Variants in PDZD7 observed in about 807,000 individuals in gnomAD.
PDZD7 encodes the protein PDZ domain containing 7, also known as PDZ domain-containing protein 7.
PDZD7 carries 72 observed loss-of-function variants against 84.7 expected under a neutral mutation model. The observed-to-expected ratio is 0.85, with a 90% CI of 0.70 to 1.03. The LOEUF (loss-of-function observed/expected upper bound fraction) is 1.03, where lower values mean the gene tolerates loss of function less well. Ranked by LOEUF, PDZD7 falls within the 50% of genes least tolerant of loss-of-function variation. The probability of loss-of-function intolerance (pLI) is 0.00; values close to 1 mark genes in which losing one functional copy is unlikely to be tolerated. For missense variants in PDZD7, 1,490 were observed against 1,412.9 expected, an observed-to-expected ratio of 1.05 and a Z score of -0.87; for synonymous variants, 594 against 580.7, an observed-to-expected ratio of 1.02 and a Z score of -0.33.
intron 15 of PDZD7, among the ~76,000 whole-genome samples, chr10:101,009,682 A>G (rs1277171455): frequency 7.9e-6 from 1 of 125,952 alleles, no homozygotes; most frequent in Non-Finnish European, 1.6e-5. Flanking sequence ...ATCTCGGCTC[A>G]CCGCAACCTC....
intron 14 of PDZD7, 86 bp downstream of exon 14, chr10:101,011,604 G>C: frequency 6.6e-7 from 1 of 1,510,010 alleles, no homozygotes; most frequent in Non-Finnish European, 8.9e-7. Context: ...ACTGCCCCTA[G>C]TGGGGAAAGA....
intron 6 of PDZD7, among the ~76,000 whole-genome samples, chr10:101,021,077 C>T (rs1590064473): frequency 1.3e-5 from 2 of 151,494 alleles, no homozygotes; most frequent in Admixed American, 1.3e-4. Context: ...AGTGGGTGCT[C>T]AAAAATATTG....
chr10:101,008,823 C>A lies in PDZD7; in HGVS notation c.2746G>T (p.Gly916Ter). ...TGGGTCACCTGCTCTAGATTCTCTC[C>A]GTCCACTGCCACAAGCTCGAAGCCA... ...QAGFELVAVD[G>*]ENLEQVTHQR... is the part of the protein sequence containing the mutation. Residue 916 changes from glycine to a stop codon, truncating the protein, a stop_gained, in exon 17 of 17, where the codon GGA (glycine) becomes TGA (stop). Coordinates refer to ENST00000619208, the MANE Select transcript of PDZD7 (RefSeq NM_001195263.2). LOFTEE classifies it low-confidence loss of function (END_TRUNC). The A allele has an allele frequency of 6.6e-7, 1 of 1,512,118 alleles. No homozygotes were observed. Among genetic ancestry groups the A allele is most frequent in the South Asian group, 1.2e-5 (1 of 81,690 alleles). The allele number at this position is 1,512,118 out of a possible 1,614,324, so 93.7% of individuals were successfully genotyped here. A position where few individuals can be genotyped will look rare whatever the true frequency, so the allele number is the denominator to read the frequency against.
At position 101,008,474 on chromosome 10, in the gene PDZD7, A is replaced by T; in HGVS notation, c.3095T>A (p.Ile1032Asn). The T allele has an allele frequency of 1.3e-6, 2 of 1,501,956 alleles. No individual in the cohort carries two copies. The highest frequency in any genetic ancestry group is 1.8e-6 in the Non-Finnish European group (2 of 1,129,064). The allele number at this position is 1,501,956 out of a possible 1,614,324, so 93.0% of individuals were successfully genotyped here. The change falls in exon 17 of 17, where the codon ATC (isoleucine) becomes AAC (asparagine). Residue 1032 changes from isoleucine (I) to asparagine (N), a missense_variant. Transcript: ENST00000619208. ...CTGAGGTTAGGGGGAGGGTCATGGGATGCGTGGGGAGGGTGCGGGCTTAGA... is the reference window on the plus strand; with the variant it reads ...CTGAGGTTAGGGGGAGGGTCATGGGTTGCGTGGGGAGGGTGCGGGCTTAGA... ...PDSKPAPSPR[I>N]P is the part of the protein sequence containing the mutation.
chr10:101,017,713 G>A (rs1852702113), intron 9 of PDZD7: 1 of 660,884 alleles, frequency 1.5e-6, no homozygotes, highest in Non-Finnish European at 2.8e-6. Flanking sequence ...TTGAGCGTGG[G>A]AGGCGCAGGT....
In PDZD7 at chr10:101,008,291, C is replaced by T. The variant is rs1456485533; in HGVS notation, c.*176G>A. ...AGCACCTTGTCCTTGGACACTAAGG[C>T]AGAGCCTTAATGACAGCTGAGGAGG... On this transcript the variant is annotated 3_prime_UTR_variant, in exon 17 of 17. Coordinates refer to ENST00000619208, the MANE Select transcript of PDZD7 (RefSeq NM_001195263.2). 161 of 720,882 alleles carry T rather than the reference C, an allele frequency of 2.2e-4. 2 individuals are homozygous for T. In the East Asian group the frequency reaches 4.3e-3, roughly 19 times the overall value. 44.7% of individuals were successfully genotyped at this position (720,882 alleles called of 1,614,324 possible). A position where few individuals can be genotyped will look rare whatever the true frequency, so the allele number is the denominator to read the frequency against.
chr10:101,029,222 T>C (rs999426380), intron 2 of PDZD7, among the ~76,000 whole-genome samples: 4 of 152,184 alleles, frequency 2.6e-5, no homozygotes, highest in African/African-American at 7.2e-5. Flanking sequence ...CCACCTACCA[T>C]GCTCCATGCT....
Position 101,009,293 on chromosome 10 carries a change from TTCTC to T in PDZD7, c.2671_2674del (p.Glu891ArgfsTer28). The stretch of plus-strand genomic sequence containing the variant: ...GAAAGCGGCCCCCCCAGGGAAGATC[TTCTC>T]TATCTTCACCATGGGCTGCACCTTG... On this transcript the variant is annotated frameshift_variant, in exon 16 of 17. Coordinates refer to ENST00000619208, the MANE Select transcript of PDZD7 (RefSeq NM_001195263.2). LOFTEE classifies it low-confidence loss of function (END_TRUNC). The T allele has an allele frequency of 6.5e-7, 1 of 1,535,882 alleles. No homozygotes were observed. The highest frequency in any genetic ancestry group is 8.7e-7 in the Non-Finnish European group (1 of 1,146,718).
chr10:101,015,917 C>T (rs1255712756), intron 10 of PDZD7, 106 bp from the exon 11 acceptor site: 30 of 1,276,810 alleles, frequency 2.3e-5, no homozygotes, highest in Non-Finnish European at 3.0e-5. Flanking sequence ...AGAATCCTAG[C>T]CTAGCCTATA....
intron 11 of PDZD7, among the ~76,000 whole-genome samples, 171 bp downstream of exon 11, chr10:101,015,463 GAT>G (rs1852573964): frequency 7.5e-6 from 1 of 133,638 alleles, no homozygotes; most frequent in South Asian, 3.0e-4. Flanking sequence ...TGAGCTGGCA[GAT>G]GTGTGTGTGT....
At chr10:101,030,421 A>G (rs1841182101) in intron 1 of PDZD7, 37 bp from the exon 2 acceptor site, 3 of 684,112 alleles carry the variant, frequency 4.4e-6, no homozygotes, top group Non-Finnish European at 8.0e-6. Flanking sequence ...AGGGGTGTAA[A>G]TGTTTCCCCT....
Position 101,007,817 on chromosome 10 carries a change from A to T in PDZD7, c.*650T>A, listed in dbSNP as rs186627358. On this transcript the variant is annotated 3_prime_UTR_variant, in exon 17 of 17. Coordinates refer to ENST00000619208, the MANE Select transcript of PDZD7 (RefSeq NM_001195263.2). Reference sequence around the variant, plus strand: ...AAACCCAAAGAAAAAATTAAAAAAAATTTTTTTGTTTAAAAATAATGTGAA... The same window carrying T: ...AAACCCAAAGAAAAAATTAAAAAAATTTTTTTTGTTTAAAAATAATGTGAA... 2.0e-3 allele frequency: 586 copies of T among 287,228 alleles called. 5 individuals carry two copies. In the East Asian group the frequency reaches 0.044, roughly 21 times the overall value. 17.8% of individuals were successfully genotyped at this position (287,228 alleles called of 1,614,324 possible). A position where few individuals can be genotyped will look rare whatever the true frequency, so the allele number is the denominator to read the frequency against.
At chr10:101,009,076 G>T (rs1852308569) in intron 16 of PDZD7, among the ~76,000 whole-genome samples, 174 bp downstream of exon 16, 1 of 152,056 alleles carries the variant, frequency 6.6e-6, no homozygotes, top group South Asian at 2.1e-4. Context: ...TAGCATGAGG[G>T]GACAGAGTTT....
Position 101,022,122 on chromosome 10 carries a change from G to C in PDZD7, c.719+87C>G, listed in dbSNP as rs111290840. On this transcript the variant is annotated intron_variant, in intron 5 of 16. Coordinates refer to ENST00000619208, the MANE Select transcript of PDZD7 (RefSeq NM_001195263.2). Reference sequence around the variant, plus strand: ...ACAGGTGGTTGGCCAGGCCTCACTTGCTGACCATCCCCACATCCCAGCCTA... The same window carrying C: ...ACAGGTGGTTGGCCAGGCCTCACTTCCTGACCATCCCCACATCCCAGCCTA... 65 of 1,571,578 alleles carry C rather than the reference G, an allele frequency of 4.1e-5. No homozygotes were observed. The African/African-American group carries it at 6.0e-4, about 14-fold the overall frequency.
At chr10:101,011,543 TG>T (rs1852392760) in intron 14 of PDZD7, 146 bp downstream of exon 14, 2 of 1,444,914 alleles carry the variant, frequency 1.4e-6, no homozygotes, top group African/African-American at 2.8e-5. Context: ...AAAATGGCTC[TG>T]GTGGACAAGA....
In PDZD7 at chr10:101,018,282, GCTGCTGCTTCTCCT is replaced by G; in HGVS notation, c.1325_1338del (p.Glu442AlafsTer79). 1.1e-5 allele frequency: 17 copies of G among 1,613,764 alleles called. No individual in the cohort carries two copies. The highest frequency in any genetic ancestry group is 1.4e-5 in the Non-Finnish European group (17 of 1,180,040). The stretch of plus-strand genomic sequence containing the variant: ...GGGGACCCCGACTTCTCCTTCTTCC[GCTGCTGCTTCTCCT>G]CTGCAGACACGAGGGAGCAACGGGG... On this transcript the variant is annotated frameshift_variant and splice_region_variant, in exon 9 of 17. Transcript: ENST00000619208. LOFTEE classifies it high-confidence loss of function.
At chr10:101,020,455 C>G (rs944506080) in intron 7 of PDZD7, among the ~76,000 whole-genome samples, 163 bp downstream of exon 7, 26 of 152,174 alleles carry the variant, frequency 1.7e-4, no homozygotes, top group African/African-American at 5.5e-4. Flanking sequence ...CAAGACTGGT[C>G]TTGAACTCCT....
In PDZD7 at chr10:101,010,706, A is replaced by AG. The variant is rs1162586274; in HGVS notation, c.2182dup (p.Leu728ProfsTer22). 161 of 1,141,444 alleles carry AG rather than the reference A, an allele frequency of 1.4e-4. No individual in the cohort carries two copies. Among genetic ancestry groups the AG allele is most frequent in the Non-Finnish European group, 4.8e-5 (43 of 889,434 alleles). The allele number at this position is 1,141,444 out of a possible 1,614,324, so 70.7% of individuals were successfully genotyped here. ...GGGAGGGGGTGTGCAGGCAATTCGG[A>AG]GGGGGGTGAAGGCATCTACTGGCAC... On this transcript the variant is annotated frameshift_variant, in exon 15 of 17. Coordinates refer to ENST00000619208, the MANE Select transcript of PDZD7 (RefSeq NM_001195263.2). LOFTEE classifies it high-confidence loss of function.
intron 9 of PDZD7, chr10:101,017,892 A>AAAGAAG (rs71013483): frequency 2.8e-5 from 4 of 142,462 alleles, no homozygotes; most frequent in African/African-American, 1.4e-4. Context: ...AGAAAGAAAG[A>AAAGAAG]AAAGAAAGAA....
Sources: gnomAD v4.1 joint callset for allele counts (sites outside exome capture counted in the v4.1 genomes callset) on GRCh38, gnomAD v4.1.1 for gene constraint, MANE v1.5 for transcripts, NCBI Gene and HGNC (gene_info 2026-07-23, HGNC 2026-07-21) for gene names.